EEF2K: variants seen among roughly 807,000 people sequenced by gnomAD.
EEF2K encodes alternative protein EEF2K.
In EEF2K, 70 loss-of-function variants were observed where a neutral mutation model predicts 93.8. The observed-to-expected ratio is 0.75, with a 90% CI of 0.62 to 0.91. The LOEUF (loss-of-function observed/expected upper bound fraction) is 0.91. Among genes scored for constraint, EEF2K ranks in the 40% least tolerant of loss-of-function variants. The pLI, the probability that EEF2K is intolerant of heterozygous loss-of-function variation, is 0.00. For synonymous variants in EEF2K, 376 were observed against 380.8 expected, an observed-to-expected ratio of 0.99 and a Z score of 0.15; for missense variants, 935 against 972.9, an observed-to-expected ratio of 0.96 and a Z score of 0.52.
intron 15 of EEF2K, 123 bp downstream of exon 15, chr16:22,266,999 C>G (rs1402385614): frequency 8.2e-7 from 1 of 1,214,270 alleles, no homozygotes; most frequent in Non-Finnish European, 1.1e-6. Context: ...TTATGCATGC[C>G]ACAAAAATGT....
At chr16:22,211,559 A>C (rs926313940) in intron 1 of EEF2K, among the ~76,000 whole-genome samples, 5 of 152,040 alleles carry the variant, frequency 3.3e-5, no homozygotes, top group African/African-American at 1.2e-4. Flanking sequence ...TCCTTGGTTC[A>C]AGTGATTCTC....
chr16:22,240,942 G>A (rs1035057279), intron 2 of EEF2K, among the ~76,000 whole-genome samples: 3 of 151,680 alleles, frequency 2.0e-5, no homozygotes, highest in Non-Finnish European at 4.4e-5. Flanking sequence ...GCTAATTTTT[G>A]TATTTTTAGT....
intron 11 of EEF2K, among the ~76,000 whole-genome samples, chr16:22,262,219 A>T (rs543345544): frequency 2.0e-5 from 3 of 152,032 alleles, no homozygotes; most frequent in Admixed American, 2.0e-4. Flanking sequence ...AATAAAAAAT[A>T]TGCCCAACTA....
At chr16:22,277,317 T>C (rs2047646985) in intron 16 of EEF2K, among the ~76,000 whole-genome samples, 1 of 152,106 alleles carries the variant, frequency 6.6e-6, no homozygotes, top group Non-Finnish European at 1.5e-5. Context: ...GTATTTTTTG[T>C]AGAGCTGGGG....
intron 3 of EEF2K, 24 bp downstream of exon 3, chr16:22,244,754 G>A (rs372042259): frequency 1.1e-5 from 17 of 1,611,992 alleles, no homozygotes; most frequent in Non-Finnish European, 1.3e-5. Flanking sequence ...GTGGGGTCTC[G>A]AGGAGTCCTG....
At chr16:22,266,626 C>T (rs113092328) in intron 14 of EEF2K, 62 bp from the exon 15 acceptor site, 48 of 1,585,618 alleles carry the variant, frequency 3.0e-5, no homozygotes, top group African/African-American at 8.1e-5. Flanking sequence ...GCTGGCTGGG[C>T]GGTCTTGGGT....
At chr16:22,217,058 G>A (rs1174665231) in intron 1 of EEF2K, among the ~76,000 whole-genome samples, 3 of 150,944 alleles carry the variant, frequency 2.0e-5, no homozygotes, top group Non-Finnish European at 2.9e-5. Context: ...CTACTCCGGC[G>A]GCTTATATGG....
intron 17 of EEF2K, among the ~76,000 whole-genome samples, chr16:22,280,698 T>G (rs1445960156): frequency 6.8e-6 from 1 of 146,850 alleles, no homozygotes; most frequent in Non-Finnish European, 1.5e-5. Flanking sequence ...GGAGTCTCGC[T>G]CTATAGCCCA....
At chr16:22,273,414 T>C (rs916703641) in intron 15 of EEF2K, among the ~76,000 whole-genome samples, 8 of 152,028 alleles carry the variant, frequency 5.3e-5, no homozygotes, top group African/African-American at 1.7e-4. Context: ...AAAGCTGTTT[T>C]CCCACCCCAT....
chr16:22,253,676 T>C (rs992653028), intron 6 of EEF2K, among the ~76,000 whole-genome samples: 105 of 151,718 alleles, frequency 6.9e-4, no homozygotes, highest in Non-Finnish European at 7.8e-4. Flanking sequence ...TTTTTTTTTT[T>C]CCTGTTCTTT....
At chr16:22,280,663 C>CTTTTT (rs11289061) in intron 17 of EEF2K, among the ~76,000 whole-genome samples, 59 of 130,122 alleles carry the variant, frequency 4.5e-4, no homozygotes, top group East Asian at 1.5e-3. Flanking sequence ...TCCTTTCTTT[C>CTTTTT]TTTTTTTTTT....
At position 22,262,001 on chromosome 16, in the gene EEF2K, CCACACACACACA is replaced by C. The variant is rs71151667; in HGVS notation, c.1300-1084_1300-1073del. Among the ~76,000 whole-genome samples, 9 of 138,110 alleles carry C rather than the reference CCACACACACACA, an allele frequency of 6.5e-5. No homozygotes were observed. In the South Asian group the frequency reaches 9.7e-4, roughly 15 times the overall value. The allele number at this position is 138,110 out of a possible 152,430, so 90.6% of individuals were successfully genotyped here. On this transcript the variant is annotated intron_variant, in intron 11 of 17. Coordinates refer to ENST00000263026, the MANE Select transcript of EEF2K (RefSeq NM_013302.5). Reference sequence around the variant, plus strand: ...GCCTGGGTGACAACGTGAGACCCTGCCACACACACACACACACACACACACACACACACACAG... The same window carrying C: ...GCCTGGGTGACAACGTGAGACCCTGCCACACACACACACACACACACACAG...
intron 1 of EEF2K, among the ~76,000 whole-genome samples, chr16:22,214,881 C>T (rs1261112871): frequency 1.3e-5 from 2 of 152,122 alleles, no homozygotes; most frequent in Non-Finnish European, 2.9e-5. Flanking sequence ...AAGAAAGCAA[C>T]GAAAGCAAAT....
At chr16:22,210,555 T>C (rs1471823768) in intron 1 of EEF2K, among the ~76,000 whole-genome samples, 1 of 152,174 alleles carries the variant, frequency 6.6e-6, no homozygotes, top group Non-Finnish European at 1.5e-5. Context: ...GTTAAGGAAG[T>C]GATGACTGCA....
intron 2 of EEF2K, among the ~76,000 whole-genome samples, chr16:22,229,143 C>CA (rs574255511): frequency 1.3e-5 from 2 of 150,970 alleles, no homozygotes; most frequent in Non-Finnish European, 3.0e-5. Context: ...ATCTCAAAAA[C>CA]AAAAAACAAA....
chr16:22,211,430 G>A (rs1011739240), intron 1 of EEF2K, among the ~76,000 whole-genome samples: 1 of 152,098 alleles, frequency 6.6e-6, no homozygotes, highest in African/African-American at 2.4e-5. Flanking sequence ...ACAGTAGGTT[G>A]TTTTGTTTGT....
At chr16:22,248,103 C>T (rs2047313338) in intron 3 of EEF2K, among the ~76,000 whole-genome samples, 1 of 151,992 alleles carries the variant, frequency 6.6e-6, no homozygotes, top group South Asian at 2.1e-4. Context: ...CTCGCTCTGT[C>T]ACCCAGGCTG....
intron 12 of EEF2K, among the ~76,000 whole-genome samples, chr16:22,263,722 T>C (rs1284705878): frequency 6.6e-6 from 1 of 152,208 alleles, no homozygotes; most frequent in Non-Finnish European, 1.5e-5. Context: ...AGGCTGATAA[T>C]GGCTGACAAA....
chr16:22,266,553 G>T (rs1261113825), intron 14 of EEF2K, 29 bp downstream of exon 14: 1 of 1,613,078 alleles, frequency 6.2e-7, no homozygotes, highest in Admixed American at 1.7e-5. Context: ...TTGGAGCCCT[G>T]TCTGCACTAA....
Sources: gnomAD v4.1 joint callset for allele counts (sites outside exome capture counted in the v4.1 genomes callset) on GRCh38, gnomAD v4.1.1 for gene constraint, MANE v1.5 for transcripts, NCBI Gene and HGNC (gene_info 2026-07-23, HGNC 2026-07-21) for gene names.